The following PRKG1 variants were observed in gnomAD, a reference collection of about 807,000 sequenced individuals.
PRKG1 encodes cGMP-dependent protein kinase 1.
PRKG1 carries 35 observed loss-of-function variants against 88.1 expected under a neutral mutation model. The ratio of observed to expected loss-of-function variants is 0.40; its 90% confidence interval spans 0.30 to 0.53. PRKG1 has a LOEUF of 0.53. Ranked by LOEUF, PRKG1 falls within the 20% of genes least tolerant of loss-of-function variation. The pLI is 0.59. For missense variants in PRKG1, 540 were observed against 839.8 expected (o/e 0.64, Z 4.41); for synonymous variants, 303 against 292.5 (o/e 1.04, Z -0.37).
At chr10:52,117,879 T>C (rs1289150006) in intron 7 of PRKG1, among the ~76,000 whole-genome samples, 2 of 152,004 alleles carry the variant, frequency 1.3e-5, no homozygotes, top group African/African-American at 4.8e-5. Context: ...TCACTTAAGG[T>C]AGGAGATTGT....
intron 9 of PRKG1, among the ~76,000 whole-genome samples, chr10:52,201,138 T>G (rs1362109153): frequency 6.6e-6 from 1 of 152,214 alleles, no homozygotes; most frequent in Non-Finnish European, 1.5e-5. Context: ...AGTGCCTATG[T>G]CCAGAATGGT....
At chr10:51,659,906 G>A (rs372732384) in intron 3 of PRKG1, among the ~76,000 whole-genome samples, 1 of 151,836 alleles carries the variant, frequency 6.6e-6, no homozygotes, top group South Asian at 2.1e-4. Flanking sequence ...TTTCCATCAT[G>A]AACATCAAAG....
At chr10:51,447,789 C>A (rs2132763045) in intron 2 of PRKG1, among the ~76,000 whole-genome samples, 1 of 152,120 alleles carries the variant, frequency 6.6e-6, no homozygotes, top group South Asian at 2.1e-4. Context: ...TATAATTACT[C>A]TGGATTACTT....
At chr10:51,884,130 T>A (rs1001924054) in intron 4 of PRKG1, among the ~76,000 whole-genome samples, 1 of 151,752 alleles carries the variant, frequency 6.6e-6, no homozygotes, top group African/African-American at 2.4e-5. Context: ...GATACTTTTG[T>A]TTGAATGAGT....
intron 3 of PRKG1, among the ~76,000 whole-genome samples, chr10:51,631,147 T>C (rs1839515739): frequency 6.6e-6 from 1 of 152,194 alleles, no homozygotes; most frequent in South Asian, 2.1e-4. Context: ...TGGTATTTTA[T>C]TTTAAATGCA....
chr10:51,252,594 A>C (rs1297123954), intron 2 of PRKG1, among the ~76,000 whole-genome samples: 1 of 142,518 alleles, frequency 7.0e-6, no homozygotes, highest in Non-Finnish European at 1.5e-5. Flanking sequence ...TTGGATTATC[A>C]TTCTCTCAAC....
intron 1 of PRKG1, among the ~76,000 whole-genome samples, chr10:51,015,797 G>T (rs1437974193): frequency 6.6e-6 from 1 of 152,186 alleles, no homozygotes; most frequent in Non-Finnish European, 1.5e-5. Flanking sequence ...TCAGGCAGGA[G>T]AATCGCTTGA....
chr10:51,956,084 C>A (rs1843295298), intron 5 of PRKG1, among the ~76,000 whole-genome samples: 1 of 151,938 alleles, frequency 6.6e-6, no homozygotes, highest in Admixed American at 6.6e-5. Flanking sequence ...TTTAAGGAAC[C>A]ACATCTTGAA....
At chr10:51,326,528 A>AT (rs1243761129) in intron 2 of PRKG1, among the ~76,000 whole-genome samples, 1 of 152,232 alleles carries the variant, frequency 6.6e-6, no homozygotes, top group Non-Finnish European at 1.5e-5. Flanking sequence ...AAATTAATGG[A>AT]TAAAATACCC....
intron 2 of PRKG1, among the ~76,000 whole-genome samples, chr10:51,240,864 G>T (rs1839134406): frequency 6.6e-6 from 1 of 152,160 alleles, no homozygotes. Flanking sequence ...ACCAGAATGG[G>T]CCTAGGCTTG....
chr10:51,911,357 T>G (rs144729764), intron 5 of PRKG1, among the ~76,000 whole-genome samples: 294 of 150,918 alleles, frequency 1.9e-3, no homozygotes, highest in Non-Finnish European at 3.1e-3. Context: ...AAAGACTTCA[T>G]GAAATTCTTT....
intron 1 of PRKG1, among the ~76,000 whole-genome samples, chr10:51,068,903 A>G (rs1237414433): frequency 1.3e-5 from 2 of 151,998 alleles, no homozygotes; most frequent in Non-Finnish European, 1.5e-5. Context: ...TTTAAATTCT[A>G]TTTTATGCAT....
chr10:52,154,521 A>G (rs1838033980), intron 8 of PRKG1, among the ~76,000 whole-genome samples: 1 of 152,216 alleles, frequency 6.6e-6, no homozygotes. Flanking sequence ...AATCATATAT[A>G]GGAAACTTGT....
chr10:51,678,357 A>G (rs1010652967), intron 3 of PRKG1, among the ~76,000 whole-genome samples: 6 of 152,292 alleles, frequency 3.9e-5, no homozygotes, highest in Middle Eastern at 3.4e-3. Flanking sequence ...GGGAATTTAC[A>G]TATTTCTAAT....
chr10:52,251,943 C>T (rs1180835064), intron 10 of PRKG1: 2 of 255,452 alleles, frequency 7.8e-6, no homozygotes, highest in Non-Finnish European at 1.5e-5. Flanking sequence ...AAAGAAGAGT[C>T]ATTAAGAACT....
chr10:51,534,309 T>C (rs1198610977), intron 3 of PRKG1, among the ~76,000 whole-genome samples: 1 of 152,192 alleles, frequency 6.6e-6, no homozygotes, highest in Admixed American at 6.5e-5. Flanking sequence ...GCTTGTCTAT[T>C]AAATGCAAAA....
At chr10:51,521,678 C>A (rs1305975855) in intron 3 of PRKG1, among the ~76,000 whole-genome samples, 2 of 152,122 alleles carry the variant, frequency 1.3e-5, no homozygotes, top group Non-Finnish European at 2.9e-5. Flanking sequence ...CATGAGAATT[C>A]TAATTGTACA....
intron 3 of PRKG1, among the ~76,000 whole-genome samples, chr10:51,721,271 A>G (rs2132451458): frequency 6.6e-6 from 1 of 152,180 alleles, no homozygotes; most frequent in Admixed American, 6.6e-5. Context: ...GCAAACATTC[A>G]ATAAATGAGT....
chr10:51,978,708 T>TAA (rs915776824), intron 5 of PRKG1, among the ~76,000 whole-genome samples: 1 of 152,028 alleles, frequency 6.6e-6, no homozygotes, highest in Admixed American at 6.6e-5. Context: ...AGGCGTTTTA[T>TAA]TTTTTTACTG....
Sources: gnomAD v4.1 joint callset for allele counts (sites outside exome capture counted in the v4.1 genomes callset) on GRCh38, gnomAD v4.1.1 for gene constraint, MANE v1.5 for transcripts, NCBI Gene and HGNC (gene_info 2026-07-23, HGNC 2026-07-21) for gene names.